MACROD2: variants seen among roughly 807,000 people sequenced by gnomAD.
The protein encoded by MACROD2 is ADP-ribose glycohydrolase MACROD2.
In MACROD2, 36 loss-of-function variants were observed where a neutral mutation model predicts 70.4. The observed-to-expected ratio is 0.51, with a 90% CI of 0.39 to 0.68. MACROD2 has a LOEUF of 0.68. Among genes scored for constraint, MACROD2 ranks in the 30% least tolerant of loss-of-function variants. MACROD2 has a pLI of 0.00. For missense variants in MACROD2, 496 were observed against 538.4 expected, an observed-to-expected ratio of 0.92 and a Z score of 0.78; for synonymous variants, 172 against 178.8, an observed-to-expected ratio of 0.96 and a Z score of 0.30.
intron 3 of MACROD2, among the ~76,000 whole-genome samples, chr20:14,434,012 T>C (rs541738416): frequency 6.6e-6 from 1 of 152,248 alleles, no homozygotes; most frequent in South Asian, 2.1e-4. Flanking sequence ...TTATATGCAA[T>C]TTATGGATTT....
chr20:14,472,840 G>A (rs917151802), intron 3 of MACROD2, among the ~76,000 whole-genome samples: 2 of 152,026 alleles, frequency 1.3e-5, no homozygotes, highest in Non-Finnish European at 2.9e-5. Context: ...AGTGAGCTGC[G>A]TGGCATTAAA....
At chr20:15,247,257 A>C (rs541995911) in intron 6 of MACROD2, among the ~76,000 whole-genome samples, 1 of 152,338 alleles carries the variant, frequency 6.6e-6, no homozygotes, top group African/African-American at 2.4e-5. Context: ...TGTTGTAGGA[A>C]TGAAATAGAA....
At chr20:14,693,303 T>C (rs2071084193) in intron 5 of MACROD2, among the ~76,000 whole-genome samples, 2 of 152,284 alleles carry the variant, frequency 1.3e-5, no homozygotes, top group South Asian at 4.1e-4. Flanking sequence ...TATTTGGAGG[T>C]GTTCTCATAA....
chr20:14,169,762 ATTGAATACATTGTTCCTATTATTATT>A (rs1454282226), intron 3 of MACROD2, among the ~76,000 whole-genome samples: 4 of 152,138 alleles, frequency 2.6e-5, no homozygotes, highest in Non-Finnish European at 5.9e-5. Context: ...AGCTATAGTC[ATTGAATACATTGTTCCTATTATTATT>A]TTGAATACAT....
chr20:14,353,880 GC>G (rs2083147575), intron 3 of MACROD2, among the ~76,000 whole-genome samples: 1 of 152,120 alleles, frequency 6.6e-6, no homozygotes, highest in Non-Finnish European at 1.5e-5. Flanking sequence ...TGGCTGGGGG[GC>G]AAGGCTAATT....
intron 5 of MACROD2, among the ~76,000 whole-genome samples, chr20:15,064,275 G>T (rs1568555691): frequency 6.6e-6 from 1 of 152,086 alleles, no homozygotes; most frequent in African/African-American, 2.4e-5. Context: ...ATGATCTTTG[G>T]AGATGATTTT....
At chr20:15,737,393 T>C (rs1240960879) in intron 8 of MACROD2, among the ~76,000 whole-genome samples, 1 of 152,202 alleles carries the variant, frequency 6.6e-6, no homozygotes, top group Non-Finnish European at 1.5e-5. Context: ...CTGTATCTTG[T>C]ATTATTAAAC....
At chr20:15,278,405 A>T (rs2146082468) in intron 6 of MACROD2, among the ~76,000 whole-genome samples, 1 of 152,304 alleles carries the variant, frequency 6.6e-6, no homozygotes, top group South Asian at 2.1e-4. Context: ...AGTGAACAGG[A>T]TGCAGTAGCA....
At chr20:15,369,766 G>T (rs774104791) in intron 6 of MACROD2, among the ~76,000 whole-genome samples, 2 of 152,122 alleles carry the variant, frequency 1.3e-5, no homozygotes, top group South Asian at 4.1e-4. Context: ...TTAGAATTAG[G>T]TTCCGATAAT....
chr20:14,212,526 T>C lies in MACROD2; in HGVS notation c.271+126798T>C, dbSNP rs146524353. On this transcript the variant is annotated intron_variant, in intron 3 of 17. Transcript: ENST00000684519. ...AATTATTTCGCCTTCTCTCAGTGCT[T>C]CAACAGGAATAAATTCAGCTTCTGA... 2.0e-3 allele frequency among the ~76,000 whole-genome samples: 311 copies of C among 152,246 alleles called. 1 individual carries two copies. Among genetic ancestry groups the C allele is most frequent in the African/African-American group, 7.2e-3 (301 of 41,552 alleles).
At chr20:15,697,990 T>G (rs1427380016) in intron 8 of MACROD2, among the ~76,000 whole-genome samples, 1 of 152,210 alleles carries the variant, frequency 6.6e-6, no homozygotes, top group East Asian at 1.9e-4. Context: ...GATGGTTTGT[T>G]GATGAGTTCT....
At chr20:14,790,540 A>G (rs187145483) in intron 5 of MACROD2, among the ~76,000 whole-genome samples, 21 of 152,250 alleles carry the variant, frequency 1.4e-4, no homozygotes, top group Non-Finnish European at 2.9e-4. Flanking sequence ...ACCTTCACCA[A>G]GGCAGAGGCA....
At chr20:14,770,230 G>A (rs2072146848) in intron 5 of MACROD2, among the ~76,000 whole-genome samples, 1 of 151,092 alleles carries the variant, frequency 6.6e-6, no homozygotes, top group African/African-American at 2.4e-5. Flanking sequence ...TTACTATTTT[G>A]TGTTTTGGAT....
At chr20:14,278,937 A>C (rs541195780) in intron 3 of MACROD2, among the ~76,000 whole-genome samples, 2 of 152,324 alleles carry the variant, frequency 1.3e-5, no homozygotes, top group Non-Finnish European at 2.9e-5. Context: ...TCTTAAATGA[A>C]GTCATTGTTA....
intron 3 of MACROD2, among the ~76,000 whole-genome samples, chr20:14,448,597 A>G (rs1294236839): frequency 1.3e-5 from 2 of 151,850 alleles, no homozygotes; most frequent in Non-Finnish European, 2.9e-5. Context: ...GAATGTCTTT[A>G]ATCTGGGAGG....
At chr20:15,368,461 C>CCTT (rs2045443266) in intron 6 of MACROD2, among the ~76,000 whole-genome samples, 1 of 136,842 alleles carries the variant, frequency 7.3e-6, no homozygotes, top group Non-Finnish European at 1.6e-5. Flanking sequence ...CAATCACAAA[C>CCTT]TTTTTTTTTT....
intron 5 of MACROD2, among the ~76,000 whole-genome samples, chr20:15,154,478 C>T (rs889673159): frequency 6.6e-6 from 1 of 152,204 alleles, no homozygotes; most frequent in Non-Finnish European, 1.5e-5. Flanking sequence ...TGCCACTTGT[C>T]TTGGTTAGCT....
chr20:15,561,678 G>A lies in MACROD2; in HGVS notation c.645+61831G>A, dbSNP rs1432379412. 2.6e-5 allele frequency among the ~76,000 whole-genome samples: 4 copies of A among 152,234 alleles called. No individual in the cohort carries two copies. The East Asian group carries it at 5.8e-4, about 22-fold the overall frequency. ...AAAATGGTTAGGGTAGATTTTTTAA[G>A]CAGTGCCTTTGGCTTTTGTTATTTT... On this transcript the variant is annotated intron_variant, in intron 8 of 17. Coordinates refer to ENST00000684519, the MANE Select transcript of MACROD2 (RefSeq NM_001351661.2).
chr20:14,336,799 C>G (rs566847523), intron 3 of MACROD2, among the ~76,000 whole-genome samples: 27 of 152,250 alleles, frequency 1.8e-4, no homozygotes, highest in African/African-American at 6.5e-4. Context: ...CCTCTGAGTT[C>G]AATTTACTAG....
Sources: allele counts gnomAD v4.1 joint callset (sites outside exome capture counted in the v4.1 genomes callset), GRCh38; gene constraint gnomAD v4.1.1; transcripts MANE v1.5; gene names NCBI Gene and HGNC (gene_info 2026-07-23, HGNC 2026-07-21).